CNTN4: variants seen among roughly 807,000 people sequenced by gnomAD.
CNTN4 encodes contactin-4.
CNTN4 carries 77 observed loss-of-function variants against 122.5 expected under a neutral mutation model. That is an observed-to-expected ratio of 0.63 (90% CI 0.52 to 0.76). The LOEUF (loss-of-function observed/expected upper bound fraction) is 0.76, where lower values mean the gene tolerates loss of function less well. Ranked by LOEUF, CNTN4 falls within the 30% of genes least tolerant of loss-of-function variation. CNTN4 has a pLI of 0.00. For missense variants in CNTN4, 1,256 were observed against 1,259.1 expected, an observed-to-expected ratio of 1.00 and a Z score of 0.04; for synonymous variants, 512 against 447.0, an observed-to-expected ratio of 1.15 and a Z score of -1.83.
intron 6 of CNTN4, among the ~76,000 whole-genome samples, chr3:2,798,961 G>T (rs1408765092): frequency 1.3e-5 from 2 of 152,086 alleles, no homozygotes; most frequent in Non-Finnish European, 2.9e-5. Flanking sequence ...CCTACCGATG[G>T]TATATAGATG....
intron 3 of CNTN4, among the ~76,000 whole-genome samples, chr3:2,524,796 C>T (rs1243190986): frequency 6.6e-6 from 1 of 151,994 alleles, no homozygotes; most frequent in African/African-American, 2.4e-5. Flanking sequence ...GTCATTTCTG[C>T]TTATTAAGAC....
chr3:2,396,656 G>GTT (rs752074730), intron 3 of CNTN4, among the ~76,000 whole-genome samples: 6 of 145,152 alleles, frequency 4.1e-5, no homozygotes, highest in African/African-American at 7.6e-5. Flanking sequence ...TTATGTCTGG[G>GTT]TTTTTTTTTT....
intron 3 of CNTN4, among the ~76,000 whole-genome samples, chr3:2,497,062 G>C (rs2076471765): frequency 6.6e-6 from 1 of 152,148 alleles, no homozygotes; most frequent in South Asian, 2.1e-4. Context: ...GATGAGGGCA[G>C]ATTATCTGTA....
chr3:2,393,079 C>G (rs959535038), intron 3 of CNTN4, among the ~76,000 whole-genome samples: 1 of 152,110 alleles, frequency 6.6e-6, no homozygotes, highest in Admixed American at 6.6e-5. Flanking sequence ...GAGCTGTGAG[C>G]CACTGTTCCA....
At chr3:2,935,056 T>G (rs2094556178) in intron 13 of CNTN4, among the ~76,000 whole-genome samples, 1 of 151,774 alleles carries the variant, frequency 6.6e-6, no homozygotes, top group Non-Finnish European at 1.5e-5. Flanking sequence ...TTAAAAATGT[T>G]TGTCAGAATC....
intron 6 of CNTN4, among the ~76,000 whole-genome samples, chr3:2,758,235 C>T (rs1187244701): frequency 1.3e-5 from 2 of 151,992 alleles, no homozygotes; most frequent in African/African-American, 4.8e-5. Context: ...CGAATAAATG[C>T]TGTTAAGTGA....
intron 2 of CNTN4, among the ~76,000 whole-genome samples, chr3:2,326,485 T>TACACACACACACAC (rs10557917): frequency 7.9e-6 from 1 of 125,972 alleles, no homozygotes; most frequent in Non-Finnish European, 1.8e-5. Flanking sequence ...CTAATAAATT[T>TACACACACACACAC]ACACACACAC....
chr3:2,629,558 G>T (rs1003646909), intron 4 of CNTN4: 2 of 453,342 alleles, frequency 4.4e-6, no homozygotes, highest in Non-Finnish European at 8.9e-6. Flanking sequence ...CTTGCTGGGG[G>T]TGCTGCCAGC....
chr3:2,515,906 C>CTATA (rs60909830), intron 3 of CNTN4, among the ~76,000 whole-genome samples: 336 of 151,440 alleles, frequency 2.2e-3, no homozygotes, highest in African/African-American at 7.7e-3. Flanking sequence ...GTACAGTTGA[C>CTATA]TATATATATA....
chr3:2,188,823 A>C (rs2037393958), intron 2 of CNTN4, among the ~76,000 whole-genome samples: 1 of 152,140 alleles, frequency 6.6e-6, no homozygotes, highest in African/African-American at 2.4e-5. Flanking sequence ...TACATTGAAT[A>C]AACAAAGGGA....
At chr3:2,820,732 G>A (rs145892855) in intron 7 of CNTN4, among the ~76,000 whole-genome samples, 1 of 151,954 alleles carries the variant, frequency 6.6e-6, no homozygotes, top group Non-Finnish European at 1.5e-5. Context: ...TATCACTCAG[G>A]AAATTACAAG....
chr3:2,645,010 G>A (rs1426967527), intron 4 of CNTN4, among the ~76,000 whole-genome samples: 1 of 151,752 alleles, frequency 6.6e-6, no homozygotes, highest in Non-Finnish European at 1.5e-5. Context: ...AGATGGGTGT[G>A]GAGGAGCATT....
intron 2 of CNTN4, among the ~76,000 whole-genome samples, chr3:2,226,580 C>A (rs1347667068): frequency 6.6e-6 from 1 of 152,120 alleles, no homozygotes; most frequent in Non-Finnish European, 1.5e-5. Flanking sequence ...ATTAATTATG[C>A]TCAGAGGTAG....
chr3:2,396,454 C>A (rs926647740), intron 3 of CNTN4, among the ~76,000 whole-genome samples: 1 of 152,062 alleles, frequency 6.6e-6, no homozygotes. Context: ...TTGCCCAAAG[C>A]AGTCCTCACA....
intron 2 of CNTN4, among the ~76,000 whole-genome samples, chr3:2,174,820 G>A (rs2036678608): frequency 1.3e-5 from 2 of 152,194 alleles, no homozygotes; most frequent in Admixed American, 6.5e-5. Flanking sequence ...AGAAGGCAAA[G>A]CAGGAGCGGG....
intron 2 of CNTN4, among the ~76,000 whole-genome samples, chr3:2,263,050 T>A (rs759945774): frequency 5.3e-5 from 8 of 152,138 alleles, no homozygotes; most frequent in Non-Finnish European, 7.4e-5. Flanking sequence ...CGGTGCTTAG[T>A]CAGAGGGCCA....
intron 13 of CNTN4, among the ~76,000 whole-genome samples, chr3:2,975,894 A>G (rs571132986): frequency 1.2e-3 from 182 of 152,286 alleles, no homozygotes; most frequent in African/African-American, 4.2e-3. Context: ...CATCCTCACA[A>G]TGCCTTATGG....
At chr3:2,913,283 A>C (rs1440963343) in intron 12 of CNTN4, among the ~76,000 whole-genome samples, 1 of 152,232 alleles carries the variant, frequency 6.6e-6, no homozygotes, top group African/African-American at 2.4e-5. Flanking sequence ...CAAATGAACA[A>C]AATGGCAATT....
intron 10 of CNTN4, among the ~76,000 whole-genome samples, chr3:2,888,409 A>AT (rs1003417640): frequency 1.4e-4 from 22 of 151,928 alleles, no homozygotes; most frequent in Middle Eastern, 3.4e-3. Context: ...GCTGCCCCTT[A>AT]TTTTTTGCCT....
Sources: gnomAD v4.1 joint callset for allele counts (sites outside exome capture counted in the v4.1 genomes callset) on GRCh38, gnomAD v4.1.1 for gene constraint, MANE v1.5 for transcripts, NCBI Gene and HGNC (gene_info 2026-07-23, HGNC 2026-07-21) for gene names.